Variants in NUTM1 observed in about 807,000 individuals in gnomAD.
NUTM1 encodes NUT family member 1.
Under a neutral mutation model 88.7 loss-of-function variants are expected in NUTM1, and 39 were observed. That is an observed-to-expected ratio of 0.44 (90% confidence interval 0.34 to 0.57). The LOEUF is 0.57. NUTM1 is among the 20% of genes least tolerant of loss of function. The probability of loss-of-function intolerance (pLI) is 0.01; values close to 1 mark genes in which losing one functional copy is unlikely to be tolerated. For synonymous variants in NUTM1, 494 were observed against 538.0 expected (o/e 0.92, Z 1.13); for missense variants, 1,350 against 1,414.5 (o/e 0.95, Z 0.73).
Position 34,355,493 on chromosome 15 carries a change from C to A in NUTM1, c.1485C>A (p.Val495=). The part of the protein sequence containing the change: ...QEEGLTLAQL[V]QKRLMALEEE... ...TATTTGTTCATTTCTTTCAGCTGGT[C>A]CAGAAGCGACTCATGGCCTTGGAAG... Residue 495 remains valine, a synonymous_variant, in exon 8 of 8, where the codon GTC becomes GTA. Transcript: ENST00000537011. This position sits in a 1 kb window ranked among gnomAD's most constrained non-coding sequence, Gnocchi z 4.3. 6.2e-7 allele frequency: 1 copy of A among 1,614,120 alleles called. No individual in the cohort carries two copies. The highest frequency in any genetic ancestry group is 1.1e-5 in the South Asian group (1 of 91,060).
At position 34,357,310 on chromosome 15, in the gene NUTM1, G is replaced by A. The variant is rs1265350017; in HGVS notation, c.3302G>A (p.Gly1101Glu). Residue 1101 changes from glycine (G) to glutamate (E), a missense_variant, in exon 8 of 8, where the codon GGG becomes GAG. By Grantham distance (98) the Gly-to-Glu change is moderately conservative (BLOSUM62 -2). Around this residue, in one of 5 missense-constraint regions of NUTM1, gnomAD observed 730 missense variants for 728.8 expected, o/e 1.00. Transcript: ENST00000537011. ...CTTCCATATCCTGTTGCCAAGTCTG[G>A]GAAGCGAGCTCTAGCTGGAGGTCCA... The part of the protein sequence containing the change: ...SKLPYPVAKS[G>E]KRALAGGPAP... 3 of 1,614,106 alleles carry A rather than the reference G, an allele frequency of 1.9e-6. 1 individual carries two copies. The South Asian group carries it at 3.3e-5, about 18-fold the overall frequency.
intron 2 of NUTM1, among the ~76,000 whole-genome samples, chr15:34,346,256 T>G (rs2140151169): frequency 6.6e-6 from 1 of 152,180 alleles, no homozygotes. Context: ...ACATGCTGAG[T>G]ATAGAGAAAG....
At chr15:34,346,102 G>A in intron 2 of NUTM1, 67 bp downstream of exon 2, 1 of 1,526,230 alleles carries the variant, frequency 6.6e-7, no homozygotes, top group South Asian at 1.1e-5. Flanking sequence ...AGCTCTCTGG[G>A]CTGACCTAAA....
At chr15:34,352,276 A>T (rs1402229198) in intron 4 of NUTM1, among the ~76,000 whole-genome samples, 4 of 152,246 alleles carry the variant, frequency 2.6e-5, no homozygotes, top group African/African-American at 9.6e-5. Context: ...TGCTTCCTAG[A>T]CTTACCTTTC....
intron 4 of NUTM1, 41 bp from the exon 5 acceptor site, chr15:34,353,695 C>T: frequency 1.2e-6 from 2 of 1,612,204 alleles, no homozygotes; most frequent in Non-Finnish European, 1.7e-6. Flanking sequence ...TGGGTCTGGT[C>T]TCCTTCTCAG....
chr15:34,354,519 T>G lies in NUTM1; in HGVS notation c.1149T>G (p.Pro383=), dbSNP rs1267288954. ...GTCAGCGTAAAGCCCAGAGACCTCC[T>G]GCTCCTGAGGCACCCAAGGAGATCC... ...RRRQRKAQRP[P]APEAPKEIPP... The change falls in exon 6 of 8, where the codon CCT becomes CCG. Residue 383 remains proline (P), a synonymous_variant. Coordinates refer to ENST00000537011, the MANE Select transcript of NUTM1 (RefSeq NM_001284292.2). 2 of 1,614,174 alleles carry G rather than the reference T, an allele frequency of 1.2e-6. No homozygotes were observed. Among genetic ancestry groups the G allele is most frequent in the Admixed American group, 3.3e-5 (2 of 60,034 alleles).
chr15:34,350,919 T>C (rs1455019207), intron 4 of NUTM1, 87 bp downstream of exon 4: 2 of 1,527,254 alleles, frequency 1.3e-6, no homozygotes, highest in East Asian at 4.6e-5. Flanking sequence ...TGGGGGTGAT[T>C]ATCAAAAGCC....
chr15:34,343,415 T>C lies in NUTM1; in HGVS notation c.-282T>C, dbSNP rs1318817676. On this transcript the variant is annotated 5_prime_UTR_variant, in exon 1 of 8. Transcript: ENST00000537011. ...GTCTTTGTCTCAAGATACACACCCA[T>C]TTCAGGAGCAGTGAGTTTTCAATGC... The C allele has an allele frequency of 1.6e-6, 1 of 632,232 alleles. No homozygotes were observed. Among genetic ancestry groups the C allele is most frequent in the Non-Finnish European group, 2.7e-6 (1 of 367,206 alleles). The allele number at this position is 632,232 out of a possible 1,614,324, so 39.2% of individuals were successfully genotyped here. A position where few individuals can be genotyped will look rare whatever the true frequency, so the allele number is the denominator to read the frequency against.
chr15:34,357,389 GA>G lies in NUTM1; in HGVS notation c.3384del (p.Lys1128AsnfsTer3), dbSNP rs1214278895. 8 of 1,614,214 alleles carry G rather than the reference GA, an allele frequency of 5.0e-6. 1 individual carries two copies. The highest frequency in any genetic ancestry group is 5.9e-6 in the Non-Finnish European group (7 of 1,180,028). On this transcript the variant is annotated frameshift_variant, in exon 8 of 8. Coordinates refer to ENST00000537011, the MANE Select transcript of NUTM1 (RefSeq NM_001284292.2). LOFTEE classifies it high-confidence loss of function. ...SGAQLGVPREKPLALGVVRPS... is the reference protein window; with the variant it reads ...SGAQLGVPREXPLALGVVRPS... ...GAGCTCAACTTGGGGTCCCCAGGGA[GA>G]AACCCCTAGCTCTGGGAGTAGTTCG...
chr15:34,357,345 G>A lies in NUTM1; in HGVS notation c.3337G>A (p.Glu1113Lys). 9 of 1,614,196 alleles carry A rather than the reference G, an allele frequency of 5.6e-6. No individual in the cohort carries two copies. The highest frequency in any genetic ancestry group is 7.6e-6 in the Non-Finnish European group (9 of 1,180,038). The change falls in exon 8 of 8, where the codon GAA (glutamate) becomes AAA (lysine). Residue 1113 changes from glutamate (E) to lysine (K), a missense_variant. Around this residue, in one of 5 missense-constraint regions of NUTM1, gnomAD observed 730 missense variants for 728.8 expected, o/e 1.00. Transcript: ENST00000537011. ...TCTAGCTGGAGGTCCAGCCCCTACT[G>A]AAAAGACACCCCACTCAGGAGCTCA... ...RALAGGPAPTEKTPHSGAQLG... is the reference protein window; with the variant it reads ...RALAGGPAPTKKTPHSGAQLG...
In NUTM1 at chr15:34,356,507, G is replaced by A. The variant is rs1451077264; in HGVS notation, c.2499G>A (p.Leu833=). 1 of 1,613,892 alleles carries A rather than the reference G, an allele frequency of 6.2e-7. No homozygotes were observed. Among genetic ancestry groups the A allele is most frequent in the Non-Finnish European group, 8.5e-7 (1 of 1,179,988 alleles). ...TAGAAAAGAGAAACTATTGCAGCTT[G>A]CCAGGACCTTTGAGGGCCAACAGCC... ...AALEKRNYCS[L]PGPLRANSPP... is the part of the protein sequence containing the mutation. The change falls in exon 8 of 8, where the codon TTG becomes TTA. Residue 833 remains leucine (L), a synonymous_variant. Coordinates refer to ENST00000537011, the MANE Select transcript of NUTM1 (RefSeq NM_001284292.2).
intron 1 of NUTM1, among the ~76,000 whole-genome samples, chr15:34,344,875 G>A (rs929124821): frequency 6.6e-6 from 1 of 152,072 alleles, no homozygotes; most frequent in Non-Finnish European, 1.5e-5. Flanking sequence ...AAAATTAGCC[G>A]GGCATGGTGG....
At position 34,353,818 on chromosome 15, in the gene NUTM1, C is replaced by G. The variant is rs1384543591; in HGVS notation, c.1021C>G (p.Pro341Ala). 1 of 1,614,112 alleles carries G rather than the reference C, an allele frequency of 6.2e-7. No homozygotes were observed. The highest frequency in any genetic ancestry group is 2.2e-5 in the East Asian group (1 of 44,884). The change falls in exon 5 of 8, where the codon CCT becomes GCT. Residue 341 changes from proline (P) to alanine (A), a missense_variant. Physicochemically the swap from Pro to Ala is conservative, Grantham distance 27. Transcript: ENST00000537011. ...NGSQGLSPAT[P>A]LKLDPLGPLA... is the part of the protein sequence containing the mutation. The stretch of plus-strand genomic sequence containing the variant: ...GTCTCAGGGCCTGTCTCCTGCAACC[C>G]CTTTGAAACTTGATCCTCTAGGGCC...
Position 34,355,161 on chromosome 15 carries a change from T to G in NUTM1, c.1479+24T>G, listed in dbSNP as rs752789108. 1 of 1,445,148 alleles carries G rather than the reference T, an allele frequency of 6.9e-7. No individual in the cohort carries two copies. Among genetic ancestry groups the G allele is most frequent in the Non-Finnish European group, 9.7e-7 (1 of 1,026,564 alleles). 89.5% of individuals were successfully genotyped at this position (1,445,148 alleles called of 1,614,324 possible). Reference sequence around the variant, plus strand: ...AGGTAAAACTGGGGTATAGGAAATATGAGAACGAGAAGCTTGCAAGATTTT... The same window carrying G: ...AGGTAAAACTGGGGTATAGGAAATAGGAGAACGAGAAGCTTGCAAGATTTT... On this transcript the variant is annotated intron_variant, in intron 7 of 7. Transcript: ENST00000537011. The surrounding 1 kb of genome is among the most constrained non-coding windows in gnomAD (Gnocchi z 4.3).
Position 34,357,387 on chromosome 15 carries a change from G to A in NUTM1, c.3379G>A (p.Glu1127Lys). 6.2e-7 allele frequency: 1 copy of A among 1,614,204 alleles called. No homozygotes were observed. The highest frequency in any genetic ancestry group is 8.5e-7 in the Non-Finnish European group (1 of 1,180,036). The change falls in exon 8 of 8, where the codon GAG becomes AAG. Residue 1127 changes from glutamate (E) to lysine (K), a missense_variant. By Grantham distance (56) the Glu-to-Lys change is moderately conservative. Coordinates refer to ENST00000537011, the MANE Select transcript of NUTM1 (RefSeq NM_001284292.2). ...AGGAGCTCAACTTGGGGTCCCCAGG[G>A]AGAAACCCCTAGCTCTGGGAGTAGT... ...HSGAQLGVPR[E>K]KPLALGVVRP...
At chr15:34,354,807 T>TGTA in intron 6 of NUTM1, 75 bp downstream of exon 6, 1 of 1,455,112 alleles carries the variant, frequency 6.9e-7, no homozygotes, top group Non-Finnish European at 9.6e-7. Context: ...GATCTGGGGT[T>TGTA]TGTCCAATGC....
chr15:34,343,642 C>T lies in NUTM1; in HGVS notation c.-55C>T, dbSNP rs1342457471. Reference sequence around the variant, plus strand: ...ATGAAACTGGTGAAGCATGTTTCAGCGGTCGAACCAAGATTTAAAGTTAGG... The same window carrying T: ...ATGAAACTGGTGAAGCATGTTTCAGTGGTCGAACCAAGATTTAAAGTTAGG... On this transcript the variant is annotated 5_prime_UTR_variant, in exon 1 of 8. Coordinates refer to ENST00000537011, the MANE Select transcript of NUTM1 (RefSeq NM_001284292.2). The T allele has an allele frequency of 2.0e-6, 3 of 1,534,548 alleles. No homozygotes were observed. Among genetic ancestry groups the T allele is most frequent in the Non-Finnish European group, 2.6e-6 (3 of 1,145,944 alleles).
rs538873232 is a variant in NUTM1 at position 34,356,104 on chromosome 15, C to T, written c.2096C>T (p.Pro699Leu). The T allele has an allele frequency of 8.1e-6, 13 of 1,613,544 alleles. No individual in the cohort carries two copies. The East Asian group carries it at 1.8e-4, about 22-fold the overall frequency. Reference sequence around the variant, plus strand: ...CAAACAGGGGGTCGTGGAGTGCTTCCTCAAGGGAAGGAGCCTTTAGCAGTG... The same window carrying T: ...CAAACAGGGGGTCGTGGAGTGCTTCTTCAAGGGAAGGAGCCTTTAGCAGTG... ...GQQTGGRGVL[P>L]QGKEPLAVPW... The change falls in exon 8 of 8, where the codon CCT becomes CTT. Residue 699 changes from proline (P) to leucine (L), a missense_variant. Physicochemically the swap from Pro to Leu is moderately conservative, Grantham distance 98 (BLOSUM62 -3). This residue lies in a region of NUTM1 where 730 missense variants were observed against 728.8 expected (regional missense o/e 1.00). Coordinates refer to ENST00000537011, the MANE Select transcript of NUTM1 (RefSeq NM_001284292.2).
In NUTM1 at chr15:34,353,843, C is replaced by A; in HGVS notation, c.1046C>A (p.Pro349His). 2.5e-6 allele frequency: 4 copies of A among 1,613,844 alleles called. No individual in the cohort carries two copies. Among genetic ancestry groups the A allele is most frequent in the Non-Finnish European group, 3.4e-6 (4 of 1,180,024 alleles). The change falls in exon 5 of 8, where the codon CCC (proline) becomes CAC (histidine). Residue 349 changes from proline to histidine, a missense_variant. Physicochemically the swap from Pro to His is moderately conservative, Grantham distance 77. Coordinates refer to ENST00000537011, the MANE Select transcript of NUTM1 (RefSeq NM_001284292.2). Reference sequence around the variant, plus strand: ...CCTTTGAAACTTGATCCTCTAGGGCCCCTGGCCTCTGAGGTTTGCCAGCAG... The same window carrying A: ...CCTTTGAAACTTGATCCTCTAGGGCACCTGGCCTCTGAGGTTTGCCAGCAG... Reference protein sequence around the residue: ...ATPLKLDPLGPLASEVCQQPV... With the variant: ...ATPLKLDPLGHLASEVCQQPV...
Sources: allele counts gnomAD v4.1 joint callset (sites outside exome capture counted in the v4.1 genomes callset), GRCh38; gene constraint gnomAD v4.1.1; regional missense constraint gnomAD v4.1.1; non-coding constraint Gnocchi (gnomAD v3.1); transcripts MANE v1.5; gene names NCBI Gene and HGNC (gene_info 2026-07-23, HGNC 2026-07-21).